The following KDR variants were observed in gnomAD, a reference collection of about 807,000 sequenced individuals.
KDR encodes kinase insert domain receptor, also known as vascular endothelial growth factor receptor 2.
KDR carries 43 observed loss-of-function variants against 160.9 expected under a neutral mutation model. The ratio of observed to expected loss-of-function variants is 0.27; its 90% CI spans 0.21 to 0.34. The LOEUF (loss-of-function observed/expected upper bound fraction) is 0.34, where lower values mean the gene tolerates loss of function less well. Ranked by LOEUF, KDR falls within the 10% of genes least tolerant of loss-of-function variation. The pLI is 1.00. For synonymous variants in KDR, 617 were observed against 600.1 expected (o/e 1.03, Z -0.41); for missense variants, 1,469 against 1,666.4 (o/e 0.88, Z 2.06).
intron 27 of KDR, among the ~76,000 whole-genome samples, chr4:55,086,254 T>C (rs1719859787): frequency 6.6e-6 from 1 of 152,146 alleles, no homozygotes; most frequent in South Asian, 2.1e-4. Flanking sequence ...TTTTACTGAG[T>C]GCTTTCAAGG....
intron 3 of KDR, among the ~76,000 whole-genome samples, chr4:55,118,322 G>A (rs1441455129): frequency 2.0e-5 from 3 of 152,102 alleles, no homozygotes; most frequent in African/African-American, 7.2e-5. Context: ...AACATAGGAA[G>A]ACTTTTTATA....
chr4:55,114,046 G>A (rs969753076), intron 6 of KDR, 80 bp downstream of exon 6: 4 of 1,464,008 alleles, frequency 2.7e-6, no homozygotes, highest in Non-Finnish European at 2.9e-6. Context: ...TGGCCAAAGA[G>A]GCCCCTATCT....
chr4:55,087,748 T>A lies in KDR; in HGVS notation c.3521A>T (p.Asp1174Val). 2.5e-6 allele frequency: 4 copies of A among 1,614,184 alleles called. No homozygotes were observed. The highest frequency in any genetic ancestry group is 2.5e-6 in the Non-Finnish European group (3 of 1,179,998). Residue 1174 changes from aspartate to valine, a missense_variant, in exon 27 of 30, where the codon GAC becomes GTC. Around this residue, in one of 7 missense-constraint regions of KDR, gnomAD observed 132 missense variants for 195.9 expected, o/e 0.67. Coordinates refer to ENST00000263923, the MANE Select transcript of KDR (RefSeq NM_002253.4). ...CTCTGATATCGGAAGAACAATGTAG[T>A]CTTTGCCATCCTGAAACAATAAACA... ...LQANAQQDGK[D>V]YIVLPISETL...
intron 3 of KDR, among the ~76,000 whole-genome samples, chr4:55,117,554 G>C (rs989189738): frequency 4.6e-5 from 7 of 152,120 alleles, no homozygotes; most frequent in Non-Finnish European, 1.0e-4. Context: ...TTTTGATGTG[G>C]TCTCCACTTT....
intron 15 of KDR, 124 bp from the exon 16 acceptor site, chr4:55,098,927 A>G: frequency 1.5e-6 from 1 of 681,104 alleles, no homozygotes. Flanking sequence ...CCTAGAGGAC[A>G]ACAGTTACAC....
chr4:55,115,710 A>G (rs535647105), intron 3 of KDR, among the ~76,000 whole-genome samples: 13 of 152,336 alleles, frequency 8.5e-5, no homozygotes, highest in African/African-American at 2.9e-4. Context: ...TGACAAGCAG[A>G]ATATATTTTT....
chr4:55,103,436 G>GTTTT (rs1720364318), intron 13 of KDR, among the ~76,000 whole-genome samples: 1 of 152,168 alleles, frequency 6.6e-6, no homozygotes, highest in Non-Finnish European at 1.5e-5. Flanking sequence ...AACAAGTTAG[G>GTTTT]AGTCCTTAGG....
At chr4:55,080,258 TCTCC>T in intron 29 of KDR, 95 bp from the exon 30 acceptor site, 1 of 1,099,988 alleles carries the variant, frequency 9.1e-7, no homozygotes. Context: ...ATGGCTGCCA[TCTCC>T]CTGGAGACCG....
chr4:55,080,234 A>G (rs1384205037), intron 29 of KDR, 71 bp from the exon 30 acceptor site: 1 of 1,354,240 alleles, frequency 7.4e-7, no homozygotes, highest in African/African-American at 1.4e-5. Flanking sequence ...CCCTCACCCC[A>G]TTCCCAACTC....
chr4:55,105,929 G>A lies in KDR; in HGVS notation c.1548C>T (p.Thr516=). ...LIEGKNKTVS[T]LVIQAANVSA... ...ACACATTTGCCGCTTGGATAACAAG[G>A]GTACTTACAGTCTGTGCGGGGAAAA... Residue 516 remains threonine (T), a synonymous_variant, in exon 12 of 30, where the codon ACC becomes ACT. Coordinates refer to ENST00000263923, the MANE Select transcript of KDR (RefSeq NM_002253.4). The A allele has an allele frequency of 1.2e-6, 2 of 1,611,160 alleles. No individual in the cohort carries two copies. Among genetic ancestry groups the A allele is most frequent in the Non-Finnish European group, 1.7e-6 (2 of 1,177,448 alleles).
chr4:55,111,886 T>G (rs948171405), intron 7 of KDR, among the ~76,000 whole-genome samples: 5 of 152,206 alleles, frequency 3.3e-5, no homozygotes, highest in Admixed American at 6.6e-5. Context: ...ATAAAGTAAG[T>G]GCTCACTAAA....
rs2110021397 is a variant in KDR at position 55,102,495 on chromosome 4, G to A, written c.2001C>T (p.Pro667=). The part of the protein sequence containing the change: ...RQLTVLERVA[P]TITGNLENQT... Reference sequence around the variant, plus strand: ...GATTCTCCAGGTTTCCTGTGATCGTGGGTGCCACACGCTCTAGACACACAA... The same window carrying A: ...GATTCTCCAGGTTTCCTGTGATCGTAGGTGCCACACGCTCTAGACACACAA... The change falls in exon 14 of 30, where the codon CCC becomes CCT. Residue 667 remains proline, a synonymous_variant. Coordinates refer to ENST00000263923, the MANE Select transcript of KDR (RefSeq NM_002253.4). 2 of 1,613,698 alleles carry A rather than the reference G, an allele frequency of 1.2e-6. No individual in the cohort carries two copies. Among genetic ancestry groups the A allele is most frequent in the East Asian group, 2.2e-5 (1 of 44,864 alleles).
rs1020732496 is a variant in KDR, at chr4:55,115,355, T to G, written c.415A>C (p.Thr139Pro). 6.4e-7 allele frequency: 1 copy of G among 1,564,120 alleles called. No individual in the cohort carries two copies. The highest frequency in any genetic ancestry group is 8.8e-7 in the Non-Finnish European group (1 of 1,134,544). Residue 139 changes from threonine (T) to proline (P), a missense_variant, in exon 4 of 30, where the codon ACT (threonine) becomes CCT (proline). Thr to Pro is a conservative substitution (Grantham distance 38). Coordinates refer to ENST00000263923, the MANE Select transcript of KDR (RefSeq NM_002253.4). ...VSDQHGVVYI[T>P]ENKNKTVVIP... ...ACCACAGTTTTGTTTTTGTTCTCAG[T>G]AATGTACACGACTCCATGTTGGTCA...
At chr4:55,106,305 G>A (rs182952986) in intron 11 of KDR, among the ~76,000 whole-genome samples, 1 of 152,234 alleles carries the variant, frequency 6.6e-6, no homozygotes, top group East Asian at 1.9e-4. Flanking sequence ...GGGTTTTTAG[G>A]TTTGGGATAT....
At position 55,116,639 on chromosome 4, in the gene KDR, T is replaced by A. The variant is rs567055216; in HGVS notation, c.359-1228A>T. 1.5e-4 allele frequency among the ~76,000 whole-genome samples: 23 copies of A among 152,216 alleles called. No homozygotes were observed. The East Asian group carries it at 4.3e-3, about 28-fold the overall frequency. ...TAGTCAGTCAAAGTGAAGAAAGAGT[T>A]AATTAAACCACAGGGGACAAAGGCA... On this transcript the variant is annotated intron_variant, in intron 3 of 29. Transcript: ENST00000263923.
At chr4:55,109,058 C>T (rs78664734) in intron 9 of KDR, among the ~76,000 whole-genome samples, 3,819 of 150,742 alleles carry the variant, frequency 0.025, 164 homozygotes, top group African/African-American at 0.088. Context: ...TACACCTATG[C>T]TGCTTCTAAA....
intron 3 of KDR, among the ~76,000 whole-genome samples, chr4:55,116,343 G>A (rs1017132391): frequency 2.0e-5 from 3 of 151,748 alleles, no homozygotes; most frequent in Admixed American, 2.0e-4. Flanking sequence ...ATTTGAACCG[G>A]GGGGCAGAAG....
chr4:55,094,919 C>T lies in KDR; in HGVS notation c.2854G>A (p.Val952Ile), dbSNP rs13129474. ...GARFRQGKDYVGAIPVDLKRR... is the reference protein window; with the variant it reads ...GARFRQGKDYIGAIPVDLKRR... ...TTCAGATCCACAGGGATTGCTCCAACGTAGTCTTTCCCTTGACGGAATCGT... is the reference window on the plus strand; with the variant it reads ...TTCAGATCCACAGGGATTGCTCCAATGTAGTCTTTCCCTTGACGGAATCGT... The change falls in exon 21 of 30, where the codon GTT becomes ATT. Residue 952 changes from valine to isoleucine, a missense_variant. Around this residue, in one of 7 missense-constraint regions of KDR, gnomAD observed 151 missense variants for 207.2 expected, o/e 0.73. Coordinates refer to ENST00000263923, the MANE Select transcript of KDR (RefSeq NM_002253.4). The T allele has an allele frequency of 8.1e-6, 13 of 1,613,848 alleles. No individual in the cohort carries two copies. The highest frequency in any genetic ancestry group is 4.0e-5 in the African/African-American group (3 of 74,914).
chr4:55,099,638 C>T (rs753623568), intron 15 of KDR, among the ~76,000 whole-genome samples: 16 of 152,174 alleles, frequency 1.1e-4, no homozygotes, highest in Admixed American at 8.5e-4. Flanking sequence ...CTGAGAGTTA[C>T]TAATGACCAT....
Sources: gnomAD v4.1 joint callset for allele counts (sites outside exome capture counted in the v4.1 genomes callset) on GRCh38, gnomAD v4.1.1 for gene constraint, gnomAD v4.1.1 regional missense constraint, MANE v1.5 for transcripts, NCBI Gene and HGNC (gene_info 2026-07-23, HGNC 2026-07-21) for gene names.